KIAA0825: variants seen among roughly 807,000 people sequenced by gnomAD.
The protein encoded by KIAA0825 is KIAA0825.
KIAA0825 carries 119 observed loss-of-function variants against 147.6 expected under a neutral mutation model. The ratio of observed to expected loss-of-function variants is 0.81; its 90% CI spans 0.69 to 0.94. The LOEUF (loss-of-function observed/expected upper bound fraction) is 0.94, where lower values mean the gene tolerates loss of function less well. Among genes scored for constraint, KIAA0825 ranks in the 40% least tolerant of loss-of-function variants. The pLI, the probability that KIAA0825 is intolerant of heterozygous loss-of-function variation, is 0.00. For missense variants in KIAA0825, 1,381 were observed against 1,472.7 expected (o/e 0.94, Z 1.02); for synonymous variants, 470 against 518.1 (o/e 0.91, Z 1.26).
At chr5:94,271,308 C>CA (rs1333613890) in intron 20 of KIAA0825, among the ~76,000 whole-genome samples, 1 of 151,928 alleles carries the variant, frequency 6.6e-6, no homozygotes, top group Non-Finnish European at 1.5e-5. Context: ...GCAAAGGAAG[C>CA]AATCAACAAA....
intron 2 of KIAA0825, among the ~76,000 whole-genome samples, chr5:94,576,439 T>C (rs1781062414): frequency 6.6e-6 from 1 of 152,120 alleles, no homozygotes; most frequent in Non-Finnish European, 1.5e-5. Flanking sequence ...AATAGATTAA[T>C]GGGAGTGGGA....
chr5:94,307,432 C>G (rs1162535916), intron 20 of KIAA0825, among the ~76,000 whole-genome samples: 4 of 151,728 alleles, frequency 2.6e-5, no homozygotes, highest in African/African-American at 9.7e-5. Flanking sequence ...CACCCTGTCA[C>G]TGTGCTCAAA....
chr5:94,270,443 CAT>C (rs928721388), intron 20 of KIAA0825, among the ~76,000 whole-genome samples: 6 of 151,906 alleles, frequency 3.9e-5, no homozygotes, highest in African/African-American at 1.5e-4. Context: ...AAAGAACAAA[CAT>C]GAAGGTTCAG....
intron 20 of KIAA0825, among the ~76,000 whole-genome samples, chr5:94,374,079 A>G (rs1158730664): frequency 1.3e-5 from 2 of 152,330 alleles, no homozygotes; most frequent in Middle Eastern, 3.4e-3. Flanking sequence ...TGACAGGGGA[A>G]TAGTCATTGA....
At chr5:94,467,432 A>G (rs1403506230) in intron 10 of KIAA0825, among the ~76,000 whole-genome samples, 1 of 152,220 alleles carries the variant, frequency 6.6e-6, no homozygotes, top group Admixed American at 6.5e-5. Context: ...AAGCCACTCA[A>G]TATTATCTTT....
At chr5:94,225,660 T>C in intron 20 of KIAA0825, among the ~76,000 whole-genome samples, 1 of 152,198 alleles carries the variant, frequency 6.6e-6, no homozygotes, top group East Asian at 1.9e-4. Flanking sequence ...TAGCAGGCAC[T>C]TGATCTGCTG....
rs773471565 is a variant in KIAA0825 at position 94,520,487 on chromosome 5, T to C, written c.731A>G (p.Tyr244Cys). 30 of 1,613,044 alleles carry C rather than the reference T, an allele frequency of 1.9e-5. No homozygotes were observed. Among genetic ancestry groups the C allele is most frequent in the Non-Finnish European group, 2.4e-5 (28 of 1,179,256 alleles). ...GTATAACTTAAGCATTGTACTTTGA[T>C]ATCCATGAGCTATTACATCTAAATT... Reference protein sequence around the residue: ...DSNLDVIAHGYQSTMLKLYSV... With the variant: ...DSNLDVIAHGCQSTMLKLYSV... The change falls in exon 5 of 21, where the codon TAT becomes TGT. Residue 244 changes from tyrosine to cysteine, a missense_variant. Transcript: ENST00000682413.
chr5:94,290,332 T>G (rs1338763705), intron 20 of KIAA0825, among the ~76,000 whole-genome samples: 1 of 152,182 alleles, frequency 6.6e-6, no homozygotes, highest in Non-Finnish European at 1.5e-5. Flanking sequence ...CCCCTCCTTG[T>G]GTCCATGTGT....
intron 2 of KIAA0825, among the ~76,000 whole-genome samples, chr5:94,580,872 TCTCAAAAAAAAAAAAAAA>T: frequency 1.2e-4 from 1 of 8,266 alleles, no homozygotes; most frequent in Non-Finnish European, 1.9e-4. Flanking sequence ...CGAGACTCCG[TCTCAAAAAAAAAAAAAAA>T]AAAAAAAAAA....
intron 1 of KIAA0825, among the ~76,000 whole-genome samples, chr5:94,602,741 T>C (rs10037816): frequency 0.37 from 55,822 of 151,962 alleles, 11,150 homozygotes; most frequent in African/African-American, 0.49. Context: ...GAAGTGTTTG[T>C]TTCACCTTCC....
Position 94,537,418 on chromosome 5 carries a change from G to A in KIAA0825, c.-1-291C>T, listed in dbSNP as rs1300118968. 1.1e-4 allele frequency among the ~76,000 whole-genome samples: 16 copies of A among 152,232 alleles called. 1 individual carries two copies. The South Asian group carries it at 1.9e-3, about 18-fold the overall frequency. The stretch of plus-strand genomic sequence containing the variant: ...TGTATTCCCAGCACTTTGGGAGGCC[G>A]AGGCGGGTGGATCACGAGGTCAGGA... On this transcript the variant is annotated intron_variant, in intron 2 of 20. Coordinates refer to ENST00000682413, the MANE Select transcript of KIAA0825 (RefSeq NM_001145678.3).
intron 20 of KIAA0825, among the ~76,000 whole-genome samples, chr5:94,373,980 A>G (rs1397135421): frequency 2.6e-5 from 4 of 152,190 alleles, no homozygotes; most frequent in Non-Finnish European, 4.4e-5. Flanking sequence ...AAACTGAATC[A>G]ATGGGCCTAT....
chr5:94,590,580 C>A (rs17327757), intron 1 of KIAA0825, among the ~76,000 whole-genome samples: 11,624 of 152,256 alleles, frequency 0.076, 493 homozygotes, highest in South Asian at 0.11. Flanking sequence ...TACTGCAAAT[C>A]ACCTATACCC....
intron 20 of KIAA0825, among the ~76,000 whole-genome samples, chr5:94,281,596 T>TG (rs760799538): frequency 1.4e-4 from 21 of 152,036 alleles, no homozygotes; most frequent in Non-Finnish European, 2.9e-4. Flanking sequence ...CTATTGAAAG[T>TG]GGGGGCTGGA....
intron 2 of KIAA0825, among the ~76,000 whole-genome samples, chr5:94,564,993 CCTCT>C (rs1245913455): frequency 2.5e-4 from 32 of 125,916 alleles, no homozygotes; most frequent in Middle Eastern, 4.0e-3. Context: ...CTTCTCTTCT[CCTCT>C]CTCTCTCTCT....
At chr5:94,273,964 A>G (rs1287082470) in intron 20 of KIAA0825, among the ~76,000 whole-genome samples, 1 of 152,186 alleles carries the variant, frequency 6.6e-6, no homozygotes, top group Non-Finnish European at 1.5e-5. Flanking sequence ...AATATTGTCC[A>G]TATGAAATAG....
chr5:94,180,017 A>C (rs1769460873), intron 20 of KIAA0825, among the ~76,000 whole-genome samples: 1 of 152,222 alleles, frequency 6.6e-6, no homozygotes, highest in South Asian at 2.1e-4. Flanking sequence ...AGTGGGTAAA[A>C]GTTTATGCAA....
chr5:94,475,654 A>T (rs1230826735), intron 7 of KIAA0825, among the ~76,000 whole-genome samples: 1 of 152,112 alleles, frequency 6.6e-6, no homozygotes, highest in African/African-American at 2.4e-5. Flanking sequence ...CTGAAAATAT[A>T]AAAAATTAGC....
rs960926175 is a variant in KIAA0825, at chr5:94,152,263, T to C, written c.*1744A>G. Among the ~76,000 whole-genome samples the C allele has an allele frequency of 5.9e-5, 9 of 152,228 alleles. No homozygotes were observed. Among genetic ancestry groups the C allele is most frequent in the Non-Finnish European group, 1.2e-4 (8 of 68,044 alleles). On this transcript the variant is annotated 3_prime_UTR_variant, in exon 21 of 21. Transcript: ENST00000682413. ...TTTGAAAAATGCATGAGTACTTTCC[T>C]TTGGAAATCATGTAGCCTACACATA...
Sources: gnomAD v4.1 joint callset for allele counts (sites outside exome capture counted in the v4.1 genomes callset) on GRCh38, gnomAD v4.1.1 for gene constraint, MANE v1.5 for transcripts, NCBI Gene and HGNC (gene_info 2026-07-23, HGNC 2026-07-21) for gene names.